Variants in AK5 observed in about 807,000 individuals in gnomAD.
The protein encoded by AK5 is adenylate kinase 5.
AK5 carries 27 observed loss-of-function variants against 69.5 expected under a neutral mutation model. The ratio of observed to expected loss-of-function variants is 0.39; its 90% CI spans 0.29 to 0.54. The LOEUF is 0.54. AK5 is among the 20% of genes least tolerant of loss of function. The pLI is 0.71. For missense variants in AK5, 531 were observed against 700.4 expected, an observed-to-expected ratio of 0.76 and a Z score of 2.73; for synonymous variants, 260 against 244.4, an observed-to-expected ratio of 1.06 and a Z score of -0.60.
At chr1:77,357,150 C>T (rs1162298597) in intron 6 of AK5, among the ~76,000 whole-genome samples, 1 of 152,110 alleles carries the variant, frequency 6.6e-6, no homozygotes, top group Non-Finnish European at 1.5e-5. Flanking sequence ...CAAACCTTCT[C>T]AATTTTTATT....
intron 1 of AK5, chr1:77,282,972 C>G (rs1198930587): frequency 1.0e-6 from 1 of 985,472 alleles, no homozygotes; most frequent in African/African-American, 1.7e-5. Flanking sequence ...CTCCTGAGCA[C>G]GTTTTTCCCG....
chr1:77,478,764 C>T (rs1218760310), intron 8 of AK5, among the ~76,000 whole-genome samples: 1 of 152,104 alleles, frequency 6.6e-6, no homozygotes, highest in Non-Finnish European at 1.5e-5. Context: ...ATTTTGATCT[C>T]CCTCATTTAA....
intron 6 of AK5, among the ~76,000 whole-genome samples, chr1:77,375,568 T>C (rs536795787): frequency 3.3e-5 from 5 of 152,274 alleles, no homozygotes; most frequent in African/African-American, 1.2e-4. Flanking sequence ...TTACAATCTA[T>C]AGGTTACAAA....
chr1:77,425,899 T>G (rs986993206), intron 8 of AK5, among the ~76,000 whole-genome samples: 14 of 152,216 alleles, frequency 9.2e-5, no homozygotes, highest in African/African-American at 2.9e-4. Flanking sequence ...AGAGTGTTAT[T>G]TGAAAGTGGA....
chr1:77,495,606 G>C (rs372458843), intron 10 of AK5, among the ~76,000 whole-genome samples: 2 of 152,106 alleles, frequency 1.3e-5, no homozygotes, highest in Non-Finnish European at 2.9e-5. Context: ...GTCTTTTACC[G>C]TAAAGAAATA....
intron 8 of AK5, among the ~76,000 whole-genome samples, chr1:77,437,539 G>A (rs150278867): frequency 6.6e-6 from 1 of 152,152 alleles, no homozygotes; most frequent in African/African-American, 2.4e-5. Flanking sequence ...CCAAAGCTTT[G>A]GGTAAAGCAG....
chr1:77,516,631 G>A (rs923481791), intron 10 of AK5, among the ~76,000 whole-genome samples: 3 of 150,178 alleles, frequency 2.0e-5, no homozygotes, highest in African/African-American at 7.4e-5. Context: ...GAACAAAAGC[G>A]TGGTAGCCTG....
chr1:77,409,298 C>G (rs1649876479), intron 6 of AK5, among the ~76,000 whole-genome samples: 1 of 152,162 alleles, frequency 6.6e-6, no homozygotes, highest in Non-Finnish European at 1.5e-5. Flanking sequence ...GTTGCTGGGT[C>G]AAATGGTAGT....
At chr1:77,507,198 C>A (rs2100279694) in intron 10 of AK5, among the ~76,000 whole-genome samples, 1 of 152,310 alleles carries the variant, frequency 6.6e-6, no homozygotes, top group South Asian at 2.1e-4. Flanking sequence ...GAAAGCCCAG[C>A]TCCCAGTGAC....
At chr1:77,286,919 T>C (rs752549497) in intron 1 of AK5, 22 bp from the exon 2 acceptor site, 1 of 1,356,244 alleles carries the variant, frequency 7.4e-7, no homozygotes, top group South Asian at 2.2e-5. Flanking sequence ...ATTTTATTTG[T>C]ACATATTTTG....
At chr1:77,340,734 G>T in intron 6 of AK5, 166 bp downstream of exon 6, 4 of 445,118 alleles carry the variant, frequency 9.0e-6, no homozygotes, top group Non-Finnish European at 1.1e-5. Flanking sequence ...GCCTTTTTAA[G>T]CCATCATGTT....
chr1:77,286,825 C>T, intron 1 of AK5, 116 bp from the exon 2 acceptor site: 1 of 598,072 alleles, frequency 1.7e-6, no homozygotes, highest in Non-Finnish European at 2.4e-6. Context: ...CCAGCCTGGG[C>T]AGCAGAGTGA....
intron 5 of AK5, among the ~76,000 whole-genome samples, chr1:77,332,204 C>G (rs946483260): frequency 1.3e-5 from 2 of 151,964 alleles, no homozygotes; most frequent in African/African-American, 4.8e-5. Flanking sequence ...TTTAGAGATT[C>G]ATTTATTTTT....
chr1:77,546,284 T>C lies in AK5; in HGVS notation c.1620+10246T>C, dbSNP rs1659540798. On this transcript the variant is annotated intron_variant, in intron 13 of 13. Coordinates refer to ENST00000354567, the MANE Select transcript of AK5 (RefSeq NM_174858.3). The stretch of plus-strand genomic sequence containing the variant: ...GGGCACCCCCTTCACTGAGGTCCAC[T>C]TTAACTCAGAACCCCTCCCAGAGTC... Among the ~76,000 whole-genome samples the C allele has an allele frequency of 2.0e-5, 3 of 152,166 alleles. No individual in the cohort carries two copies. In the South Asian group the frequency reaches 6.2e-4, roughly 32 times the overall value.
chr1:77,521,527 C>T (rs959414042), intron 11 of AK5, among the ~76,000 whole-genome samples: 1 of 152,132 alleles, frequency 6.6e-6, no homozygotes, highest in Non-Finnish European at 1.5e-5. Context: ...AGCTACCTTA[C>T]CTCATCTAAT....
chr1:77,505,545 C>A (rs1656974119), intron 10 of AK5, among the ~76,000 whole-genome samples: 2 of 152,076 alleles, frequency 1.3e-5, no homozygotes, highest in Non-Finnish European at 2.9e-5. Flanking sequence ...GCATATATTT[C>A]TTTCCCAGTG....
intron 8 of AK5, among the ~76,000 whole-genome samples, chr1:77,469,858 G>T (rs1654358925): frequency 6.6e-6 from 1 of 152,222 alleles, no homozygotes; most frequent in Admixed American, 6.5e-5. Context: ...ACTGGCACAG[G>T]TTAAAGGGTC....
At chr1:77,554,322 A>T (rs1409101255) in intron 13 of AK5, among the ~76,000 whole-genome samples, 1 of 152,152 alleles carries the variant, frequency 6.6e-6, no homozygotes, top group Non-Finnish European at 1.5e-5. Flanking sequence ...CACCAAACTA[A>T]ACTGAACAAT....
intron 6 of AK5, among the ~76,000 whole-genome samples, chr1:77,359,725 C>T (rs950374678): frequency 3.9e-5 from 6 of 152,130 alleles, no homozygotes; most frequent in Non-Finnish European, 8.8e-5. Context: ...ATAACTTATT[C>T]GAACTTTTTA....
Sources: gnomAD v4.1 joint callset for allele counts (sites outside exome capture counted in the v4.1 genomes callset) on GRCh38, gnomAD v4.1.1 for gene constraint, MANE v1.5 for transcripts, NCBI Gene and HGNC (gene_info 2026-07-23, HGNC 2026-07-21) for gene names.